Variants in SYNE2 observed in about 807,000 individuals in gnomAD.
The protein encoded by SYNE2 is spectrin repeat containing nuclear envelope protein 2.
SYNE2 carries 431 observed loss-of-function variants against 856.3 expected under a neutral mutation model. The ratio of observed to expected loss-of-function variants is 0.50; its 90% confidence interval spans 0.47 to 0.55. The LOEUF (loss-of-function observed/expected upper bound fraction) is 0.55. SYNE2 is among the 20% of genes least tolerant of loss of function. SYNE2 has a pLI of 0.00. For missense variants in SYNE2, 8,129 were observed against 8,023.2 expected (o/e 1.01, Z -0.50); for synonymous variants, 2,923 against 2,872.3 (o/e 1.02, Z -0.56).
chr14:64,040,253 C>G (rs1043853440), intron 45 of SYNE2, among the ~76,000 whole-genome samples: 5 of 152,016 alleles, frequency 3.3e-5, no homozygotes, highest in Non-Finnish European at 7.4e-5. Context: ...GAGTACTCAT[C>G]ACATCAAATG....
chr14:64,101,138 A>G (rs1221454245), intron 63 of SYNE2, among the ~76,000 whole-genome samples: 1 of 152,140 alleles, frequency 6.6e-6, no homozygotes, highest in Non-Finnish European at 1.5e-5. Flanking sequence ...TCTCTTTGAC[A>G]TACTGAGTTT....
At chr14:63,943,232 A>G (rs1012421781) in intron 6 of SYNE2, among the ~76,000 whole-genome samples, 1 of 152,170 alleles carries the variant, frequency 6.6e-6, no homozygotes, top group Admixed American at 6.5e-5. Context: ...ATATTTTTGA[A>G]CACTTACTGT....
chr14:64,043,584 C>T (rs1257821825), intron 45 of SYNE2, among the ~76,000 whole-genome samples: 1 of 152,196 alleles, frequency 6.6e-6, no homozygotes, highest in Non-Finnish European at 1.5e-5. Context: ...GTCTCAGCCG[C>T]TCCAGCCTTG....
chr14:64,062,016 A>G (rs1397514275), intron 49 of SYNE2, among the ~76,000 whole-genome samples: 1 of 152,214 alleles, frequency 6.6e-6, no homozygotes, highest in Non-Finnish European at 1.5e-5. Flanking sequence ...ATAATTTGAT[A>G]TAGAGTTTTT....
At chr14:64,194,529 T>G (rs375353080) in intron 99 of SYNE2, among the ~76,000 whole-genome samples, 2 of 152,232 alleles carry the variant, frequency 1.3e-5, no homozygotes, top group East Asian at 3.8e-4. Flanking sequence ...GGTCTTGAGC[T>G]CCTGGGCTCA....
At chr14:64,103,027 C>T (rs2153643247) in intron 64 of SYNE2, among the ~76,000 whole-genome samples, 1 of 152,236 alleles carries the variant, frequency 6.6e-6, no homozygotes, top group South Asian at 2.1e-4. Flanking sequence ...GTATATATGC[C>T]ACATGTTCTT....
At chr14:63,899,829 A>C (rs1039879682) in intron 1 of SYNE2, among the ~76,000 whole-genome samples, 2 of 152,130 alleles carry the variant, frequency 1.3e-5, no homozygotes, top group Non-Finnish European at 1.5e-5. Flanking sequence ...TAGTATGGTG[A>C]CTAGCTTTTA....
At chr14:63,948,782 G>GTATATATATATATA (rs3062027) in intron 6 of SYNE2, among the ~76,000 whole-genome samples, 13 of 43,896 alleles carry the variant, frequency 3.0e-4, no homozygotes, top group South Asian at 7.9e-4. Context: ...ATGTGTGTGT[G>GTATATATATATATA]TATATATATA....
chr14:64,037,286 C>T (rs1055751743), intron 45 of SYNE2, among the ~76,000 whole-genome samples: 1 of 151,724 alleles, frequency 6.6e-6, no homozygotes, highest in Non-Finnish European at 1.5e-5. Context: ...CGGCCTTCCG[C>T]AGTGTTTGTG....
At chr14:64,119,303 C>A (rs1438911436) in intron 66 of SYNE2, 124 bp from the exon 67 acceptor site, 3 of 1,286,004 alleles carry the variant, frequency 2.3e-6, no homozygotes, top group Non-Finnish European at 2.2e-6. Flanking sequence ...AGGGTTTCTT[C>A]CATCCTGTGT....
intron 11 of SYNE2, among the ~76,000 whole-genome samples, chr14:63,974,262 G>A (rs528072942): frequency 9.2e-5 from 14 of 152,210 alleles, no homozygotes; most frequent in African/African-American, 3.1e-4. Context: ...TTTGGCTCAC[G>A]TTTCTGCTTC....
chr14:64,161,005 G>A (rs996000234), intron 87 of SYNE2, among the ~76,000 whole-genome samples: 3 of 152,068 alleles, frequency 2.0e-5, no homozygotes, highest in African/African-American at 7.2e-5. Context: ...TTAAAATGAG[G>A]TTTACTTATT....
intron 68 of SYNE2, among the ~76,000 whole-genome samples, chr14:64,121,670 G>C (rs183237659): frequency 4.6e-5 from 7 of 152,288 alleles, no homozygotes. Flanking sequence ...GCTAACACTG[G>C]GGACACCATA....
intron 96 of SYNE2, among the ~76,000 whole-genome samples, chr14:64,184,511 A>G (rs889150763): frequency 6.6e-6 from 1 of 152,214 alleles, no homozygotes; most frequent in African/African-American, 2.4e-5. Context: ...CTGGCCGGGC[A>G]TAACTCGGTG....
chr14:63,881,630 T>C (rs2094867404), intron 1 of SYNE2, among the ~76,000 whole-genome samples: 1 of 149,270 alleles, frequency 6.7e-6, no homozygotes, highest in Non-Finnish European at 1.5e-5. Flanking sequence ...ATTATATATA[T>C]ATTTCTAAAG....
chr14:63,984,724 A>C (rs1255901), intron 18 of SYNE2, among the ~76,000 whole-genome samples: 1 of 152,026 alleles, frequency 6.6e-6, no homozygotes, highest in African/African-American at 2.4e-5. Context: ...GCTTTACTTA[A>C]ACTACTTTTA....
At chr14:63,809,581 G>A (rs1329870415) in intron 1 of SYNE2, among the ~76,000 whole-genome samples, 1 of 152,130 alleles carries the variant, frequency 6.6e-6, no homozygotes, top group Non-Finnish European at 1.5e-5. Context: ...TGGGCTCCAG[G>A]CCCAGCACTC....
intron 1 of SYNE2, among the ~76,000 whole-genome samples, chr14:63,764,993 C>T (rs930590933): frequency 6.6e-6 from 1 of 152,092 alleles, no homozygotes; most frequent in African/African-American, 2.4e-5. Flanking sequence ...TCAGAGTTAA[C>T]ATCAGCAGAA....
At chr14:63,761,942 GCACGGGGTGACGCTGGCTGCGGGGACC>G in exon 1 of SYNE2, 1 of 301,992 alleles carries the variant, frequency 3.3e-6, no homozygotes, top group Non-Finnish European at 6.9e-6. Flanking sequence ...GCGGGGAGCG[GCACGGGGTGACGCTGGCTGCGGGGACC>G]CAGTGACAGC....
Sources: allele counts gnomAD v4.1 joint callset (sites outside exome capture counted in the v4.1 genomes callset), GRCh38; gene constraint gnomAD v4.1.1; transcripts MANE v1.5; gene names NCBI Gene and HGNC (gene_info 2026-07-23, HGNC 2026-07-21).